The following BPHL variants were observed in gnomAD, a reference collection of about 807,000 sequenced individuals.
BPHL encodes biphenyl hydrolase like, also known as serine hydrolase BPHL.
Under a neutral mutation model 31.2 loss-of-function variants are expected in BPHL, and 27 were observed. That is an observed-to-expected ratio of 0.87 (90% CI 0.64 to 1.19). The LOEUF (loss-of-function observed/expected upper bound fraction) is 1.19, where lower values mean the gene tolerates loss of function less well. BPHL is among the 50% of genes most tolerant of loss of function. The probability of loss-of-function intolerance (pLI) is 0.00; values close to 1 mark genes in which losing one functional copy is unlikely to be tolerated. For synonymous variants in BPHL, 150 were observed against 146.8 expected, an observed-to-expected ratio of 1.02 and a Z score of -0.16; for missense variants, 356 against 375.7, an observed-to-expected ratio of 0.95 and a Z score of 0.43.
In BPHL at chr6:3,152,594, T is replaced by G; in HGVS notation, c.*19T>G. ...ACAATGAGAATGCACACTCCAGTCT[T>G]GGTGGTTCCTTCGTGTGGGGCTTGA... On this transcript the variant is annotated 3_prime_UTR_variant, in exon 7 of 7. Transcript: ENST00000380379. 6.2e-7 allele frequency: 1 copy of G among 1,604,160 alleles called. No individual in the cohort carries two copies. Among genetic ancestry groups the G allele is most frequent in the Non-Finnish European group, 8.5e-7 (1 of 1,173,654 alleles).
chr6:3,142,228 C>T (rs969893153), intron 6 of BPHL, among the ~76,000 whole-genome samples: 2 of 151,888 alleles, frequency 1.3e-5, no homozygotes, highest in African/African-American at 2.4e-5. Context: ...AAGTGATTCT[C>T]CTGCCTCAGC....
intron 4 of BPHL, among the ~76,000 whole-genome samples, chr6:3,134,523 C>T (rs1399903515): frequency 6.7e-6 from 1 of 149,190 alleles, no homozygotes; most frequent in Non-Finnish European, 1.5e-5. Flanking sequence ...CTGCAGCCTG[C>T]TTGCTCAACA....
rs554486479 is a variant in BPHL, at chr6:3,145,636, A to C, written c.788+5127A>C. 5.9e-4 allele frequency among the ~76,000 whole-genome samples: 40 copies of C among 67,756 alleles called. 9 individuals are homozygous for C. The highest frequency in any genetic ancestry group is 1.0e-3 in the Non-Finnish European group (30 of 29,458). 44.5% of individuals were successfully genotyped at this position (67,756 alleles called of 152,430 possible). A position where few individuals can be genotyped will look rare whatever the true frequency, so the allele number is the denominator to read the frequency against. On this transcript the variant is annotated intron_variant, in intron 6 of 6. Coordinates refer to ENST00000380379, the MANE Select transcript of BPHL (RefSeq NM_004332.4). ...TGGGTCGAGTGCTGGTTCGGGTTGG[A>C]GTGCTGGTTCGGGGTGGAGTGCTGG...
At chr6:3,144,672 G>C (rs117827457) in intron 6 of BPHL, among the ~76,000 whole-genome samples, 1 of 152,108 alleles carries the variant, frequency 6.6e-6, no homozygotes, top group African/African-American at 2.4e-5. Flanking sequence ...GATTACAGGT[G>C]TGAGCCACTG....
At chr6:3,146,868 G>A (rs73718973) in intron 6 of BPHL, among the ~76,000 whole-genome samples, 7,230 of 143,942 alleles carry the variant, frequency 0.05, 487 homozygotes, top group African/African-American at 0.18. Flanking sequence ...GGTTTGGGTC[G>A]GAGTGCTGGT....
At chr6:3,136,215 C>T (rs1232056466) in intron 4 of BPHL, among the ~76,000 whole-genome samples, 1 of 152,196 alleles carries the variant, frequency 6.6e-6, no homozygotes, top group East Asian at 1.9e-4. Context: ...TGTGCAGGGA[C>T]GTTTTGCTAG....
chr6:3,138,110 C>T (rs1292042629), intron 5 of BPHL: 1 of 823,592 alleles, frequency 1.2e-6, no homozygotes, highest in South Asian at 1.4e-5. Flanking sequence ...TCTCTGTCTC[C>T]TGGGTTCAAG....
chr6:3,149,131 T>G lies in BPHL; in HGVS notation c.789-3357T>G, dbSNP rs1316026250. ...TCTATTACTGTCCGCATTTTCCAGA[T>G]GAGGAATTGTGACTCAGGGAGATGG... is the stretch of plus-strand genomic sequence containing the variant. On this transcript the variant is annotated intron_variant, in intron 6 of 6. Transcript: ENST00000380379. The surrounding 1 kb of genome is among the most constrained non-coding windows in gnomAD (Gnocchi z 4.6). 2.0e-5 allele frequency among the ~76,000 whole-genome samples: 3 copies of G among 152,198 alleles called. No individual in the cohort carries two copies. The highest frequency in any genetic ancestry group is 2.9e-5 in the Non-Finnish European group (2 of 68,030).
In BPHL at chr6:3,140,425, C is replaced by A. The variant is rs766289862; in HGVS notation, c.704C>A (p.Pro235His). 1.2e-6 allele frequency: 2 copies of A among 1,614,142 alleles called. No homozygotes were observed. Among genetic ancestry groups the A allele is most frequent in the Admixed American group, 3.3e-5 (2 of 60,022 alleles). ...CACCTGCTGCCCCGGGTCCAGTGCC[C>A]CGCCTTGATTGTGCACGGTGAGAAG... ...CRHLLPRVQC[P>H]ALIVHGEKDP... The change falls in exon 6 of 7, where the codon CCC (proline) becomes CAC (histidine). Residue 235 changes from proline to histidine, a missense_variant. Transcript: ENST00000380379. This position sits in a 1 kb window ranked among gnomAD's most constrained non-coding sequence, Gnocchi z 5.2.
Position 3,140,823 on chromosome 6 carries a change from G to A in BPHL, c.788+314G>A, listed in dbSNP as rs891804841. Among the ~76,000 whole-genome samples the A allele has an allele frequency of 1.3e-5, 2 of 152,120 alleles. No individual in the cohort carries two copies. Among genetic ancestry groups the A allele is most frequent in the South Asian group, 2.1e-4 (1 of 4,826 alleles). On this transcript the variant is annotated intron_variant, in intron 6 of 6. Coordinates refer to ENST00000380379, the MANE Select transcript of BPHL (RefSeq NM_004332.4). This position sits in a 1 kb window ranked among gnomAD's most constrained non-coding sequence, Gnocchi z 5.2. ...AGATTTATTTCCATCAGTATTAACC[G>A]AAACAGTTTCACACAATTTGGGAAT...
Position 3,118,827 on chromosome 6 carries a change from C to G in BPHL, c.87C>G (p.Ala29=). The change falls in exon 1 of 7, where the codon GCC becomes GCG. Residue 29 remains alanine, a synonymous_variant. Coordinates refer to ENST00000380379, the MANE Select transcript of BPHL (RefSeq NM_004332.4). ...AGCCCGGGATCCACGTCCCACGGGCCGGACCCGCGGCCGCGTTCGGGTAAT... is the reference window on the plus strand; with the variant it reads ...AGCCCGGGATCCACGTCCCACGGGCGGGACCCGCGGCCGCGTTCGGGTAAT... ...ALKPGIHVPR[A]GPAAAFGTSV... is the part of the protein sequence containing the mutation. 8.0e-7 allele frequency: 1 copy of G among 1,242,784 alleles called. No individual in the cohort carries two copies. Among genetic ancestry groups the G allele is most frequent in the Non-Finnish European group, 1.0e-6 (1 of 991,590 alleles). 77.0% of individuals were successfully genotyped at this position (1,242,784 alleles called of 1,614,324 possible). A position where few individuals can be genotyped will look rare whatever the true frequency, so the allele number is the denominator to read the frequency against.
At chr6:3,119,665 A>G (rs974218015) in intron 1 of BPHL, among the ~76,000 whole-genome samples, 1 of 152,212 alleles carries the variant, frequency 6.6e-6, no homozygotes, top group Non-Finnish European at 1.5e-5. Context: ...CACACATGCA[A>G]ACACACGTAT....
At chr6:3,135,920 C>T (rs1762007638) in intron 4 of BPHL, among the ~76,000 whole-genome samples, 1 of 152,198 alleles carries the variant, frequency 6.6e-6, no homozygotes, top group Non-Finnish European at 1.5e-5. Context: ...CCATTTTTAG[C>T]TCAGCTTGAT....
Position 3,118,812 on chromosome 6 carries a change from C to T in BPHL, c.72C>T (p.Ile24=). 8.0e-7 allele frequency: 1 copy of T among 1,244,544 alleles called. No individual in the cohort carries two copies. The highest frequency in any genetic ancestry group is 3.8e-5 in the South Asian group (1 of 26,262). 77.1% of individuals were successfully genotyped at this position (1,244,544 alleles called of 1,614,324 possible). A position where few individuals can be genotyped will look rare whatever the true frequency, so the allele number is the denominator to read the frequency against. ...TTCTCTCAGCGCTGAAGCCCGGGAT[C>T]CACGTCCCACGGGCCGGACCCGCGG... The part of the protein sequence containing the change: ...RLLLSALKPG[I]HVPRAGPAAA... Residue 24 remains isoleucine, a synonymous_variant, in exon 1 of 7, where the codon ATC becomes ATT. Transcript: ENST00000380379.
At chr6:3,145,293 C>T (rs1350792910) in intron 6 of BPHL, among the ~76,000 whole-genome samples, 1 of 4,450 alleles carries the variant, frequency 2.2e-4, no homozygotes, top group Non-Finnish European at 4.2e-4. Context: ...TGGTTCGGGT[C>T]CGAGTGCTGG....
rs1395991939 is a variant in BPHL at position 3,118,740 on chromosome 6, C to T, written c.-1C>T. 3 of 1,261,872 alleles carry T rather than the reference C, an allele frequency of 2.4e-6. No homozygotes were observed. Among genetic ancestry groups the T allele is most frequent in the African/African-American group, 3.1e-5 (2 of 64,624 alleles). 78.2% of individuals were successfully genotyped at this position (1,261,872 alleles called of 1,614,324 possible). A position where few individuals can be genotyped will look rare whatever the true frequency, so the allele number is the denominator to read the frequency against. ...TCCCGGCAGCTACGCGACCTGTGAC[C>T]ATGGTGGCTGTGCTGGGCGGCCGGG... On this transcript the variant is annotated 5_prime_UTR_variant, in exon 1 of 7. Transcript: ENST00000380379.
intron 6 of BPHL, among the ~76,000 whole-genome samples, chr6:3,146,233 T>C (rs145158865): frequency 0.094 from 1,429 of 15,230 alleles, 244 homozygotes; most frequent in African/African-American, 0.16. Flanking sequence ...GTGCTGGTTC[T>C]GGTTGGAGTG....
In BPHL at chr6:3,118,735, G is replaced by T. The variant is rs368016718; in HGVS notation, c.-6G>T. On this transcript the variant is annotated 5_prime_UTR_variant, in exon 1 of 7. Transcript: ENST00000380379. ...CGCACTCCCGGCAGCTACGCGACCT[G>T]TGACCATGGTGGCTGTGCTGGGCGG... The T allele has an allele frequency of 4.8e-6, 6 of 1,261,154 alleles. No individual in the cohort carries two copies. The South Asian group carries it at 1.4e-4, about 29-fold the overall frequency. The allele number at this position is 1,261,154 out of a possible 1,614,324, so 78.1% of individuals were successfully genotyped here.
rs2231355 is a variant in BPHL at position 3,118,713 on chromosome 6, A to G, written c.-28A>G. The G allele has an allele frequency of 0.96, 1,199,798 of 1,253,424 alleles. 574,393 individuals are homozygous for G. Among genetic ancestry groups the G allele is most frequent in the East Asian group, 1 (31,889 of 31,892 alleles). 77.6% of individuals were successfully genotyped at this position (1,253,424 alleles called of 1,614,324 possible). ...CCGCGCTTGGTCTTAGCGCATGCGCACTCCCGGCAGCTACGCGACCTGTGA... is the reference window on the plus strand; with the variant it reads ...CCGCGCTTGGTCTTAGCGCATGCGCGCTCCCGGCAGCTACGCGACCTGTGA... On this transcript the variant is annotated 5_prime_UTR_variant, in exon 1 of 7. Coordinates refer to ENST00000380379, the MANE Select transcript of BPHL (RefSeq NM_004332.4).
Sources: allele counts gnomAD v4.1 joint callset (sites outside exome capture counted in the v4.1 genomes callset), GRCh38; gene constraint gnomAD v4.1.1; non-coding constraint Gnocchi (gnomAD v3.1); transcripts MANE v1.5; gene names NCBI Gene and HGNC (gene_info 2026-07-23, HGNC 2026-07-21).